The following IGSF9B variants were observed in gnomAD, a reference collection of about 807,000 sequenced individuals.
IGSF9B encodes the protein protein turtle homolog B.
A neutral mutation model predicts 143.7 loss-of-function variants in IGSF9B; 48 were observed. That is an observed-to-expected ratio of 0.33 (90% CI 0.26 to 0.42). IGSF9B has a LOEUF of 0.42. Ranked by LOEUF, IGSF9B falls within the 20% of genes least tolerant of loss-of-function variation. IGSF9B has a pLI of 1.00. For missense variants in IGSF9B, 1,706 were observed against 1,980.0 expected (o/e 0.86, Z 2.63); for synonymous variants, 903 against 833.1 (o/e 1.08, Z -1.44).
chr11:133,947,313 C>T (rs574038931), intron 1 of IGSF9B, among the ~76,000 whole-genome samples: 3 of 152,330 alleles, frequency 2.0e-5, no homozygotes, highest in African/African-American at 4.8e-5. Flanking sequence ...TGTCCAGTAA[C>T]GTCCCAGGGA....
chr11:133,934,625 C>T (rs561635631), intron 7 of IGSF9B, among the ~76,000 whole-genome samples: 45 of 152,298 alleles, frequency 3.0e-4, no homozygotes, highest in African/African-American at 1.1e-3. Flanking sequence ...GTTAGGGGTC[C>T]GATGGCGCTC....
At position 133,920,332 on chromosome 11, in the gene IGSF9B, G is replaced by C; in HGVS notation, c.3393C>G (p.Ser1131Arg). 1 of 1,595,182 alleles carries C rather than the reference G, an allele frequency of 6.3e-7. No homozygotes were observed. The highest frequency in any genetic ancestry group is 8.5e-7 in the Non-Finnish European group (1 of 1,170,416). The part of the protein sequence containing the change: ...WQDRPMQPLV[S>R]QGQLRHTSQG... ...GGCTTGTATGTCGCAGCTGCCCTTG[G>C]CTTACCAGAGGTTGCATAGGTCTGT... Residue 1131 changes from serine (S) to arginine (R), a missense_variant, in exon 18 of 20, where the codon AGC becomes AGG. By Grantham distance (110) the Ser-to-Arg change is moderately radical. Transcript: ENST00000533871.
In IGSF9B at chr11:133,899,056, G is replaced by A. The variant is rs1480386980; in HGVS notation, c.*10013C>T. 2 of 152,234 alleles carry A rather than the reference G, an allele frequency of 1.3e-5. No individual in the cohort carries two copies. Among genetic ancestry groups the A allele is most frequent in the Non-Finnish European group, 2.9e-5 (2 of 68,068 alleles). The allele number at this position is 152,234 out of a possible 1,614,324, so 9.4% of individuals were successfully genotyped here. Reference sequence around the variant, plus strand: ...GATTCTCACACATCTCCCTATTCCCGACTCTTGCTCTATATAGTAGACAGA... The same window carrying A: ...GATTCTCACACATCTCCCTATTCCCAACTCTTGCTCTATATAGTAGACAGA... On this transcript the variant is annotated 3_prime_UTR_variant, in exon 20 of 20. Coordinates refer to ENST00000533871, the MANE Select transcript of IGSF9B (RefSeq NM_001277285.4).
intron 12 of IGSF9B, among the ~76,000 whole-genome samples, chr11:133,929,470 A>C (rs1391265101): frequency 6.6e-6 from 1 of 152,182 alleles, no homozygotes; most frequent in African/African-American, 2.4e-5. Context: ...GGACACAGCC[A>C]TGCCCAGAGT....
chr11:133,908,833 C>T lies in IGSF9B; in HGVS notation c.*236G>A. The T allele has an allele frequency of 2.0e-6, 1 of 507,358 alleles. No individual in the cohort carries two copies. Among genetic ancestry groups the T allele is most frequent in the African/African-American group, 1.9e-5 (1 of 52,566 alleles). 31.4% of individuals were successfully genotyped at this position (507,358 alleles called of 1,614,324 possible). Reference sequence around the variant, plus strand: ...GCGGAGGGGAGGAGACAGGTGTTGCCCAGTCTCCAATCCACTTCCTGACCT... The same window carrying T: ...GCGGAGGGGAGGAGACAGGTGTTGCTCAGTCTCCAATCCACTTCCTGACCT... On this transcript the variant is annotated 3_prime_UTR_variant, in exon 20 of 20. Coordinates refer to ENST00000533871, the MANE Select transcript of IGSF9B (RefSeq NM_001277285.4).
chr11:133,926,006 G>A (rs761332704), intron 13 of IGSF9B, 41 bp from the exon 14 acceptor site: 30 of 1,444,964 alleles, frequency 2.1e-5, no homozygotes, highest in Non-Finnish European at 1.4e-5. Flanking sequence ...GCATCAGCGA[G>A]GCCCAGGGCA....
At chr11:133,919,484 G>A (rs1939465404) in intron 18 of IGSF9B, among the ~76,000 whole-genome samples, 1 of 152,186 alleles carries the variant, frequency 6.6e-6, no homozygotes, top group Admixed American at 6.5e-5. Context: ...TAGGTGGTGC[G>A]CCCGCCGAGA....
rs774418260 is a variant in IGSF9B at position 133,956,756 on chromosome 11, G to A, written c.-2C>T. 144 of 1,512,506 alleles carry A rather than the reference G, an allele frequency of 9.5e-5. No homozygotes were observed. Among genetic ancestry groups the A allele is most frequent in the Admixed American group, 5.8e-4 (28 of 47,998 alleles). The allele number at this position is 1,512,506 out of a possible 1,614,324, so 93.7% of individuals were successfully genotyped here. A position where few individuals can be genotyped will look rare whatever the true frequency, so the allele number is the denominator to read the frequency against. ...GAAAGTGGCCACATACCAAATCATA[G>A]TACTACCGCGCCAGCCCGGAGCCTC... is the stretch of plus-strand genomic sequence containing the variant. On this transcript the variant is annotated 5_prime_UTR_variant, in exon 1 of 20. Transcript: ENST00000533871.
chr11:133,927,113 G>C (rs1377139188), intron 12 of IGSF9B, 22 bp from the exon 13 acceptor site: 2 of 1,531,952 alleles, frequency 1.3e-6, no homozygotes, highest in East Asian at 2.5e-5. Flanking sequence ...AGAGAGACAG[G>C]ATAGGGGACG....
rs184457918 is a variant in IGSF9B, at chr11:133,931,919, G to A, written c.1111-124C>T. On this transcript the variant is annotated intron_variant, in intron 8 of 19. Transcript: ENST00000533871. This position sits in a 1 kb window ranked among gnomAD's most constrained non-coding sequence, Gnocchi z 7.7. ...ACAGGAGCTCCAGCCCGGGGCGGGC[G>A]GCACCCGCAGACCCCTACAGAAGCA... 7.7e-4 allele frequency: 1,146 copies of A among 1,493,748 alleles called. 3 individuals are homozygous for A. The highest frequency in any genetic ancestry group is 2.2e-3 in the Admixed American group (92 of 41,300). The allele number at this position is 1,493,748 out of a possible 1,614,324, so 92.5% of individuals were successfully genotyped here. A position where few individuals can be genotyped will look rare whatever the true frequency, so the allele number is the denominator to read the frequency against.
Position 133,903,358 on chromosome 11 carries a change from C to A in IGSF9B, c.*5711G>T, listed in dbSNP as rs938463899. Among the ~76,000 whole-genome samples, 6 of 152,132 alleles carry A rather than the reference C, an allele frequency of 3.9e-5. No individual in the cohort carries two copies. Among genetic ancestry groups the A allele is most frequent in the African/African-American group, 1.4e-4 (6 of 41,418 alleles). The stretch of plus-strand genomic sequence containing the variant: ...ATTTGAGCCACGGGGTTAAAACTGT[C>A]CAATCTAGCTCTCCCAGCCAGGGCT... On this transcript the variant is annotated 3_prime_UTR_variant, in exon 20 of 20. Transcript: ENST00000533871.
intron 18 of IGSF9B, among the ~76,000 whole-genome samples, chr11:133,916,848 A>G (rs151301478): frequency 3.3e-5 from 5 of 152,136 alleles, no homozygotes; most frequent in African/African-American, 4.8e-5. Flanking sequence ...GAGCTGGGGA[A>G]GGTGGAAGAC....
rs373478744 is a variant in IGSF9B, at chr11:133,898,072, G to A, written c.*10997C>T. ...GAGATTCAGCCCAACTGGCCTCTTC[G>A]AGAACAGCACCATGAAGCACCCTAG... On this transcript the variant is annotated 3_prime_UTR_variant, in exon 20 of 20. Coordinates refer to ENST00000533871, the MANE Select transcript of IGSF9B (RefSeq NM_001277285.4). 1.3e-4 allele frequency: 20 copies of A among 152,316 alleles called. No homozygotes were observed. Among genetic ancestry groups the A allele is most frequent in the African/African-American group, 4.1e-4 (17 of 41,576 alleles). The allele number at this position is 152,316 out of a possible 1,614,324, so 9.4% of individuals were successfully genotyped here.
At chr11:133,926,074 A>AGGGCCCG in intron 13 of IGSF9B, 109 bp from the exon 14 acceptor site, 1 of 784,546 alleles carries the variant, frequency 1.3e-6, no homozygotes, top group Admixed American at 2.2e-5. Flanking sequence ...AAGCAGAGTC[A>AGGGCCCG]GGGCCCGGGG....
At chr11:133,946,406 A>C (rs1591725414) in intron 1 of IGSF9B, 148 bp from the exon 2 acceptor site, 2 of 649,548 alleles carry the variant, frequency 3.1e-6, no homozygotes, top group Admixed American at 2.5e-5. Flanking sequence ...TCCCAGGCAC[A>C]CCCTCCATCC....
intron 15 of IGSF9B, among the ~76,000 whole-genome samples, chr11:133,923,477 T>C (rs1031976585): frequency 2.0e-5 from 3 of 152,168 alleles, no homozygotes; most frequent in Non-Finnish European, 4.4e-5. Flanking sequence ...CCTGCCCAAG[T>C]CTACAGAGCT....
chr11:133,927,048 G>T lies in IGSF9B; in HGVS notation c.1675C>A (p.Pro559Thr), dbSNP rs1275035657. The part of the protein sequence containing the change: ...QFGPHDWLSL[P>T]VPPGPSWLLV... ...AGCCAGCTGGGTCCTGGCGGCACTG[G>T]CAAGGACAGCCAGTCATGGGGCCCA... Residue 559 changes from proline (P) to threonine (T), a missense_variant, in exon 13 of 20, where the codon CCA (proline) becomes ACA (threonine). By Grantham distance (38) the Pro-to-Thr change is conservative. This residue lies in a region of IGSF9B where 267 missense variants were observed against 321.1 expected (regional missense o/e 0.83). Coordinates refer to ENST00000533871, the MANE Select transcript of IGSF9B (RefSeq NM_001277285.4). The T allele has an allele frequency of 6.4e-7, 1 of 1,562,964 alleles. No homozygotes were observed. The highest frequency in any genetic ancestry group is 2.4e-5 in the East Asian group (1 of 41,724).
In IGSF9B at chr11:133,920,904, C is replaced by T. The variant is rs201878845; in HGVS notation, c.2821G>A (p.Gly941Ser). 203 of 1,608,294 alleles carry T rather than the reference C, an allele frequency of 1.3e-4. No homozygotes were observed. Among genetic ancestry groups the T allele is most frequent in the Non-Finnish European group, 1.7e-4 (195 of 1,177,654 alleles). Residue 941 changes from glycine (G) to serine (S), a missense_variant, in exon 18 of 20, where the codon GGT (glycine) becomes AGT (serine). Coordinates refer to ENST00000533871, the MANE Select transcript of IGSF9B (RefSeq NM_001277285.4). ...RFQPRGLEGP[G>S]GLEGRLQATG... ...GCCTGAAGCCGACCTTCCAGGCCACCGGGGCCCTCCAGCCCGCGGGGCTGG... is the reference window on the plus strand; with the variant it reads ...GCCTGAAGCCGACCTTCCAGGCCACTGGGGCCCTCCAGCCCGCGGGGCTGG...
chr11:133,951,159 C>T (rs558479519), intron 1 of IGSF9B, among the ~76,000 whole-genome samples: 1 of 152,264 alleles, frequency 6.6e-6, no homozygotes, highest in Non-Finnish European at 1.5e-5. Flanking sequence ...CAGCGAACAC[C>T]CAGAAAGGAC....
Sources: gnomAD v4.1 joint callset for allele counts (sites outside exome capture counted in the v4.1 genomes callset) on GRCh38, gnomAD v4.1.1 for gene constraint, gnomAD v4.1.1 regional missense constraint, Gnocchi (gnomAD v3.1) non-coding constraint, MANE v1.5 for transcripts, NCBI Gene and HGNC (gene_info 2026-07-23, HGNC 2026-07-21) for gene names.